Variants in SWI5 observed in about 807,000 individuals in gnomAD.
The protein encoded by SWI5 is SWI5 homologous recombination repair protein.
Under a neutral mutation model 17.0 loss-of-function variants are expected in SWI5, and 12 were observed. The ratio of observed to expected loss-of-function variants is 0.71; its 90% confidence interval spans 0.45 to 1.14. The LOEUF (loss-of-function observed/expected upper bound fraction) is 1.14, where lower values mean the gene tolerates loss of function less well. SWI5 is among the 50% of genes most tolerant of loss of function. The probability of loss-of-function intolerance (pLI) is 0.00; values close to 1 mark genes in which losing one functional copy is unlikely to be tolerated. For missense variants in SWI5, 158 were observed against 162.2 expected (o/e 0.97, Z 0.14); for synonymous variants, 61 against 64.0 (o/e 0.95, Z 0.22).
intron 2 of SWI5, among the ~76,000 whole-genome samples, chr9:128,278,080 A>G (rs914265680): frequency 6.6e-6 from 1 of 151,232 alleles, no homozygotes; most frequent in Non-Finnish European, 1.5e-5. Context: ...AGCGTCCCAA[A>G]TAGCTGGAAC....
chr9:128,276,124 T>C (rs376454134), upstream of SWI5: 4 of 1,565,650 alleles, frequency 2.6e-6, no homozygotes, highest in Non-Finnish European at 3.5e-6. Flanking sequence ...ATGAGAAATA[T>C]GAAGCGGAAG....
chr9:128,276,955 TA>T (rs1751664359), intron 2 of SWI5, among the ~76,000 whole-genome samples, 200 bp downstream of exon 2: 2 of 151,996 alleles, frequency 1.3e-5, no homozygotes, highest in Admixed American at 1.3e-4. Flanking sequence ...AAAGAAGTGT[TA>T]TCCTGTCCTG....
chr9:128,288,895 G>A (rs1029113824), exon 5 of SWI5: 1 of 636,852 alleles, frequency 1.6e-6, no homozygotes, highest in African/African-American at 1.8e-5. Context: ...AGGGAGGAAG[G>A]GGCGTTCCCA....
intron 2 of SWI5, among the ~76,000 whole-genome samples, chr9:128,277,200 C>G (rs1831424060): frequency 6.6e-6 from 1 of 152,166 alleles, no homozygotes; most frequent in African/African-American, 2.4e-5. Context: ...AAAACGCAGC[C>G]TACTCCTTCT....
rs79146692 is a variant in SWI5, at chr9:128,276,488, A to G, written c.62+86A>G. On this transcript the variant is annotated intron_variant, in intron 1 of 4. Transcript: ENST00000418976. ...CTCCCTTCCCAGAAATCACCTCCAA[A>G]GACTCCCATCCAGTGCTCCAGACAA... The G allele has an allele frequency of 1.2e-3, 1,878 of 1,581,302 alleles. 39 individuals carry two copies. The East Asian group carries it at 0.037, about 31-fold the overall frequency.
At chr9:128,286,325 CAG>C (rs943057103) in intron 4 of SWI5, 3 of 369,870 alleles carry the variant, frequency 8.1e-6, no homozygotes, top group African/African-American at 6.0e-5. Context: ...GGGACCTACT[CAG>C]AGTGATCAAG....
intron 3 of SWI5, 81 bp downstream of exon 3, chr9:128,284,712 T>C: frequency 2.0e-6 from 3 of 1,511,054 alleles, no homozygotes; most frequent in Non-Finnish European, 2.7e-6. Flanking sequence ...TCCCAGCACT[T>C]TGGGAGGCTG....
chr9:128,276,236 G>C (rs2131408291), upstream of SWI5: 1 of 1,612,386 alleles, frequency 6.2e-7, no homozygotes, highest in Non-Finnish European at 8.5e-7. Flanking sequence ...GAGGGGCGGG[G>C]CCGGCTTTCC....
intron 3 of SWI5, among the ~76,000 whole-genome samples, chr9:128,284,978 A>G (rs1331564139): frequency 6.7e-6 from 1 of 149,598 alleles, no homozygotes; most frequent in East Asian, 1.9e-4. Flanking sequence ...AAAAAAAAAA[A>G]AAGGTTTAAC....
intron 2 of SWI5, among the ~76,000 whole-genome samples, chr9:128,277,213 C>T (rs894012828): frequency 1.3e-5 from 2 of 152,172 alleles, no homozygotes; most frequent in South Asian, 2.1e-4. Flanking sequence ...CTCCTTCTCT[C>T]ATCCCCCAGA....
At chr9:128,275,958 G>A, upstream of SWI5, 1 of 1,595,426 alleles carries the variant, frequency 6.3e-7, no homozygotes, top group Non-Finnish European at 8.5e-7. Context: ...CGGGGAGGGA[G>A]GCGGGGTTGG....
chr9:128,275,908 G>A (rs1222384836), upstream of SWI5: 13 of 1,578,252 alleles, frequency 8.2e-6, no homozygotes, highest in Admixed American at 3.8e-5. Flanking sequence ...TCTTCGCTGC[G>A]GCCAATTTGC....
At chr9:128,276,852 T>C (rs1454003073) in intron 2 of SWI5, 97 bp downstream of exon 2, 1 of 1,300,014 alleles carries the variant, frequency 7.7e-7, no homozygotes, top group African/African-American at 1.5e-5. Context: ...CAATCCCCGC[T>C]TGGCCCTCTT....
chr9:128,288,967 C>T lies in SWI5; in HGVS notation c.*251C>T, dbSNP rs565654525. 7.9e-5 allele frequency: 44 copies of T among 554,292 alleles called. 1 individual carries two copies. Among genetic ancestry groups the T allele is most frequent in the Admixed American group, 1.3e-4 (4 of 30,588 alleles). 34.3% of individuals were successfully genotyped at this position (554,292 alleles called of 1,614,324 possible). ...GTAGGGGTACATGTACTTTATTTGTCAATAAACGTATCTGTACACTGATTC... is the reference window on the plus strand; with the variant it reads ...GTAGGGGTACATGTACTTTATTTGTTAATAAACGTATCTGTACACTGATTC... On this transcript the variant is annotated 3_prime_UTR_variant, in exon 5 of 5. Coordinates refer to ENST00000418976, the Ensembl canonical transcript of SWI5.
At chr9:128,275,907 C>A (rs777963863), upstream of SWI5, 13 of 1,575,430 alleles carry the variant, frequency 8.3e-6, no homozygotes, top group South Asian at 2.3e-5. Context: ...TTCTTCGCTG[C>A]GGCCAATTTG....
intron 4 of SWI5, among the ~76,000 whole-genome samples, chr9:128,286,800 G>A (rs751572776): frequency 1.2e-4 from 18 of 152,102 alleles, no homozygotes; most frequent in Non-Finnish European, 2.1e-4. Flanking sequence ...AGAGCGGGGT[G>A]ATCAGGGCCC....
exon 3 of SWI5, chr9:128,284,570 A>T (rs759510514): frequency 1.2e-6 from 2 of 1,614,028 alleles, no homozygotes; most frequent in Non-Finnish European, 1.7e-6. Flanking sequence ...GCACCTTGAC[A>T]TTCAGAAACT....
At chr9:128,288,095 G>A (rs1193769509) in intron 4 of SWI5, among the ~76,000 whole-genome samples, 1 of 152,126 alleles carries the variant, frequency 6.6e-6, no homozygotes, top group Non-Finnish European at 1.5e-5. Context: ...AGAATATTGA[G>A]GTATGAACAG....
rs534205820 is a variant in SWI5 at position 128,276,894 on chromosome 9, C to A, written c.111+139C>A. 1.1e-4 allele frequency: 99 copies of A among 873,552 alleles called. 1 individual carries two copies. The South Asian group carries it at 1.5e-3, about 13-fold the overall frequency. The allele number at this position is 873,552 out of a possible 1,614,324, so 54.1% of individuals were successfully genotyped here. A position where few individuals can be genotyped will look rare whatever the true frequency, so the allele number is the denominator to read the frequency against. The stretch of plus-strand genomic sequence containing the variant: ...CTTCTCCCAGTCGACTGAGAACCGC[C>A]AGGTCATTCCCGAATCCCTCCCCTT... On this transcript the variant is annotated intron_variant, in intron 2 of 4. Coordinates refer to ENST00000418976, the Ensembl canonical transcript of SWI5.
Sources: allele counts gnomAD v4.1 joint callset (sites outside exome capture counted in the v4.1 genomes callset), GRCh38; gene constraint gnomAD v4.1.1; transcripts MANE v1.5; gene names NCBI Gene and HGNC (gene_info 2026-07-23, HGNC 2026-07-21).